Variants in NUP155 observed in about 807,000 individuals in gnomAD.
NUP155 encodes nuclear pore complex protein Nup155.
Under a neutral mutation model 180.4 loss-of-function variants are expected in NUP155, and 71 were observed. The observed-to-expected ratio is 0.39, with a 90% confidence interval of 0.33 to 0.48. NUP155 has a LOEUF of 0.48. Ranked by LOEUF, NUP155 falls within the 20% of genes least tolerant of loss-of-function variation. NUP155 has a pLI of 0.91. For missense variants in NUP155, 1,553 were observed against 1,648.9 expected, an observed-to-expected ratio of 0.94 and a Z score of 1.01; for synonymous variants, 582 against 559.5, an observed-to-expected ratio of 1.04 and a Z score of -0.57.
At chr5:37,314,102 G>C (rs1157730563) in intron 22 of NUP155, 96 bp downstream of exon 22, 4 of 854,090 alleles carry the variant, frequency 4.7e-6, no homozygotes, top group Non-Finnish European at 7.5e-6. Flanking sequence ...TAACTTAAAT[G>C]CTTCCCAAAA....
chr5:37,366,865 T>C (rs1403880452), intron 1 of NUP155, among the ~76,000 whole-genome samples: 1 of 151,902 alleles, frequency 6.6e-6, no homozygotes, highest in Admixed American at 6.6e-5. Flanking sequence ...TTAGCCAGGA[T>C]GGTCTCGATC....
chr5:37,342,759 T>C, intron 9 of NUP155, 113 bp from the exon 10 acceptor site: 2 of 750,936 alleles, frequency 2.7e-6, no homozygotes, highest in Non-Finnish European at 2.3e-6. Flanking sequence ...TTTTTTGAGA[T>C]GTAGTCTCAC....
At chr5:37,370,603 G>A in intron 1 of NUP155, 5 of 1,388,420 alleles carry the variant, frequency 3.6e-6, no homozygotes, top group Non-Finnish European at 4.8e-6. Context: ...TCAACTGGGA[G>A]CTTGCTCTTC....
intron 13 of NUP155, 48 bp downstream of exon 13, chr5:37,333,415 T>A (rs778217131): frequency 6.6e-7 from 1 of 1,514,248 alleles, no homozygotes; most frequent in South Asian, 1.1e-5. Context: ...GACAAAAATA[T>A]TATACATCGC....
rs772871285 is a variant in NUP155, at chr5:37,328,342, CAA to C, written c.1876+14_1876+15del. On this transcript the variant is annotated intron_variant, in intron 17 of 34. Transcript: ENST00000231498. ...ACTTCAAAATGAATCCAATCCAAAA[CAA>C]AGAAAAGAGGTACCATGAGACGGTG... The C allele has an allele frequency of 1.0e-5, 16 of 1,587,164 alleles. 1 individual carries two copies. Among genetic ancestry groups the C allele is most frequent in the Non-Finnish European group, 1.3e-5 (15 of 1,156,124 alleles).
At chr5:37,344,312 A>G (rs987022075) in intron 9 of NUP155, among the ~76,000 whole-genome samples, 1 of 151,002 alleles carries the variant, frequency 6.6e-6, no homozygotes, top group Non-Finnish European at 1.5e-5. Context: ...ATGGCACTCC[A>G]GACTGGGTGA....
intron 1 of NUP155, among the ~76,000 whole-genome samples, chr5:37,368,277 C>T (rs935363725): frequency 1.6e-5 from 2 of 126,988 alleles, no homozygotes; most frequent in Non-Finnish European, 3.1e-5. Context: ...TGGAGTGCAG[C>T]GGCGCAATCA....
intron 2 of NUP155, 94 bp downstream of exon 2, chr5:37,364,153 T>C (rs1747396200): frequency 8.5e-7 from 1 of 1,178,452 alleles, no homozygotes; most frequent in Middle Eastern, 2.0e-4. Context: ...CTTAAATGAA[T>C]ATATAACACA....
chr5:37,293,088 G>A lies in NUP155; in HGVS notation c.3931-103C>T, dbSNP rs117687802. ...CATCAGGATCCATGCAAAACTTATC[G>A]CTATTAAAAAGCATTTAATATCACA... On this transcript the variant is annotated intron_variant, in intron 33 of 34. Coordinates refer to ENST00000231498, the MANE Select transcript of NUP155 (RefSeq NM_153485.3). 1,451 of 785,734 alleles carry A rather than the reference G, an allele frequency of 1.8e-3. 28 individuals carry two copies. The East Asian group carries it at 0.033, about 18-fold the overall frequency. 48.7% of individuals were successfully genotyped at this position (785,734 alleles called of 1,614,324 possible).
rs1744741241 is a variant in NUP155, at chr5:37,328,358, C to T, written c.1876G>A (p.Gly626Ser). The part of the protein sequence containing the change: ...NPSFLGTPSH[G>S]IQPPAMSTPV... ...AATCCAAAACAAAGAAAAGAGGTAC[C>T]ATGAGACGGTGTTCCCAAAAAGGAT... The change falls in exon 17 of 35, where the codon GGT becomes AGT. Residue 626 changes from glycine to serine, a missense_variant and splice_region_variant. Coordinates refer to ENST00000231498, the MANE Select transcript of NUP155 (RefSeq NM_153485.3). 6.2e-7 allele frequency: 1 copy of T among 1,603,448 alleles called. No individual in the cohort carries two copies.
At chr5:37,303,157 A>G (rs967692750) in intron 28 of NUP155, 103 bp downstream of exon 28, 1 of 1,334,076 alleles carries the variant, frequency 7.5e-7, no homozygotes, top group South Asian at 1.3e-5. Context: ...AATTTAGGTC[A>G]GTATATTAAA....
intron 22 of NUP155, 27 bp downstream of exon 22, chr5:37,314,171 T>C: frequency 1.3e-6 from 2 of 1,524,110 alleles, no homozygotes; most frequent in Non-Finnish European, 9.1e-7. Flanking sequence ...ATTAATGGTA[T>C]AATCATAAAA....
intron 34 of NUP155, among the ~76,000 whole-genome samples, 165 bp from the exon 35 acceptor site, chr5:37,292,203 G>T (rs550640979): frequency 6.6e-6 from 1 of 151,990 alleles, no homozygotes; most frequent in African/African-American, 2.4e-5. Context: ...GGTGTAGGTG[G>T]GTTCCATTTG....
intron 15 of NUP155, 103 bp downstream of exon 15, chr5:37,329,935 A>T: frequency 2.5e-6 from 2 of 804,062 alleles, no homozygotes; most frequent in Non-Finnish European, 4.2e-6. Flanking sequence ...TTGCCTACAT[A>T]GTCACTCAAC....
Position 37,370,944 on chromosome 5 carries a change from CCGGCATCGCCGCGCCCAACAAAGAAGA to C in NUP155, c.7_33del (p.Ser3_Pro11del). The C allele has an allele frequency of 1.2e-6, 2 of 1,614,078 alleles. No homozygotes were observed. The highest frequency in any genetic ancestry group is 8.5e-7 in the Non-Finnish European group (1 of 1,180,028). On this transcript the variant is annotated inframe_deletion, in exon 1 of 35. Transcript: ENST00000231498. Reference sequence around the variant, plus strand: ...TGCAGGGCTGCGGCAGATGTAGAGGCCGGCATCGCCGCGCCCAACAAAGAAGACGGCATCTCGGAAATCGTAGACACC... The same window carrying C: ...TGCAGGGCTGCGGCAGATGTAGAGGCCGGCATCTCGGAAATCGTAGACACC...
chr5:37,342,108 A>T (rs532596819), intron 10 of NUP155, among the ~76,000 whole-genome samples: 1 of 152,240 alleles, frequency 6.6e-6, no homozygotes, highest in East Asian at 1.9e-4. Flanking sequence ...GCATAATCTC[A>T]GCTCACTGTA....
intron 13 of NUP155, 149 bp from the exon 14 acceptor site, chr5:37,331,944 G>A: frequency 1.5e-6 from 1 of 649,916 alleles, no homozygotes; most frequent in Non-Finnish European, 2.8e-6. Context: ...GCCCACATTT[G>A]TATTTCCAGC....
chr5:37,345,885 C>T (rs1040154023), intron 9 of NUP155, among the ~76,000 whole-genome samples: 9 of 131,390 alleles, frequency 6.8e-5, no homozygotes, highest in South Asian at 2.3e-4. Flanking sequence ...GCCTGGGTGA[C>T]GTGACAGAGT....
chr5:37,315,105 G>A (rs188996989), intron 21 of NUP155, among the ~76,000 whole-genome samples: 2 of 152,268 alleles, frequency 1.3e-5, no homozygotes, highest in Admixed American at 6.5e-5. Context: ...GGTGGCACAC[G>A]CCTGTGATCC....
Sources: gnomAD v4.1 joint callset for allele counts (sites outside exome capture counted in the v4.1 genomes callset) on GRCh38, gnomAD v4.1.1 for gene constraint, MANE v1.5 for transcripts, NCBI Gene and HGNC (gene_info 2026-07-23, HGNC 2026-07-21) for gene names.